Variants in LMBRD1 observed in about 807,000 individuals in gnomAD.
The protein encoded by LMBRD1 is lysosomal cobalamin transport escort protein LMBD1.
In LMBRD1, 64 loss-of-function variants were observed where a neutral mutation model predicts 74.8. The observed-to-expected ratio is 0.86, with a 90% CI of 0.70 to 1.05. The LOEUF is 1.05. LMBRD1 is among the 50% of genes least tolerant of loss of function. The pLI, the probability that LMBRD1 is intolerant of heterozygous loss-of-function variation, is 0.00. For missense variants in LMBRD1, 652 were observed against 645.9 expected (o/e 1.01, Z -0.10); for synonymous variants, 204 against 216.3 (o/e 0.94, Z 0.50).
In LMBRD1 at chr6:69,749,336, C is replaced by T; in HGVS notation, c.473+5G>A. On this transcript the variant is annotated splice_donor_5th_base_variant and intron_variant, in intron 5 of 15. Transcript: ENST00000649934. ...ATGGTTTAAAAAAAAAAAATCAAGA[C>T]TTACCCAACTAAAAGAAGCAGTGCA... The T allele has an allele frequency of 1.3e-6, 2 of 1,590,532 alleles. No homozygotes were observed. Among genetic ancestry groups the T allele is most frequent in the Non-Finnish European group, 1.7e-6 (2 of 1,166,610 alleles).
At chr6:69,695,414 C>T (rs1765974032) in intron 14 of LMBRD1, among the ~76,000 whole-genome samples, 3 of 152,056 alleles carry the variant, frequency 2.0e-5, no homozygotes, top group Admixed American at 2.0e-4. Context: ...TCTCTTCTCA[C>T]TCTCTACCCT....
intron 1 of LMBRD1, among the ~76,000 whole-genome samples, chr6:69,791,706 G>A (rs1029503376): frequency 3.9e-5 from 6 of 152,126 alleles, no homozygotes; most frequent in Non-Finnish European, 7.4e-5. Flanking sequence ...TCCTTCTACC[G>A]CAAGCAAGAT....
intron 14 of LMBRD1, among the ~76,000 whole-genome samples, chr6:69,678,990 C>T (rs1765604619): frequency 6.6e-6 from 1 of 151,372 alleles, no homozygotes; most frequent in African/African-American, 2.4e-5. Context: ...TCAACATTTA[C>T]TTCTGAATTG....
At chr6:69,698,545 G>A (rs913677260) in intron 13 of LMBRD1, among the ~76,000 whole-genome samples, 1 of 151,900 alleles carries the variant, frequency 6.6e-6, no homozygotes, top group Non-Finnish European at 1.5e-5. Flanking sequence ...AAAACTAAAA[G>A]CCACAGTTCG....
At chr6:69,732,975 C>G (rs1766893590) in intron 7 of LMBRD1, among the ~76,000 whole-genome samples, 1 of 152,128 alleles carries the variant, frequency 6.6e-6, no homozygotes, top group South Asian at 2.1e-4. Context: ...GTTTGACCTC[C>G]TTCTCCTAAA....
chr6:69,699,692 T>C (rs1372224929), intron 12 of LMBRD1, among the ~76,000 whole-genome samples: 1 of 151,840 alleles, frequency 6.6e-6, no homozygotes, highest in African/African-American at 2.4e-5. Flanking sequence ...TGAAAACACA[T>C]GGTAACTGAA....
At chr6:69,733,029 T>C (rs550877952) in intron 7 of LMBRD1, among the ~76,000 whole-genome samples, 4 of 152,280 alleles carry the variant, frequency 2.6e-5, no homozygotes, top group South Asian at 4.1e-4. Flanking sequence ...CAGGGTACAG[T>C]AGTCAGAATC....
intron 4 of LMBRD1, among the ~76,000 whole-genome samples, chr6:69,749,932 ACTC>A (rs1348695821): frequency 1.2e-5 from 1 of 80,626 alleles, no homozygotes; most frequent in Non-Finnish European, 2.0e-5. Flanking sequence ...ACATATACAT[ACTC>A]ATATATACAT....
chr6:69,796,900 C>A lies in LMBRD1; in HGVS notation c.-19G>T, dbSNP rs755960124. 1 of 1,613,156 alleles carries A rather than the reference C, an allele frequency of 6.2e-7. No individual in the cohort carries two copies. On this transcript the variant is annotated 5_prime_UTR_variant, in exon 1 of 16. Coordinates refer to ENST00000649934, the MANE Select transcript of LMBRD1 (RefSeq NM_018368.4). ...TCGCCATCTTCGCTTCCGGTCCAGA[C>A]CAACCTGAGCGCCCGGGGTGGGGAA...
At position 69,699,083 on chromosome 6, in the gene LMBRD1, G is replaced by C. The variant is rs1766070141; in HGVS notation, c.1298C>G (p.Pro433Arg). The C allele has an allele frequency of 6.2e-7, 1 of 1,607,318 alleles. No individual in the cohort carries two copies. Among genetic ancestry groups the C allele is most frequent in the Admixed American group, 1.7e-5 (1 of 59,850 alleles). Residue 433 changes from proline (P) to arginine (R), a missense_variant, in exon 13 of 16, where the codon CCC becomes CGC. Coordinates refer to ENST00000649934, the MANE Select transcript of LMBRD1 (RefSeq NM_018368.4). ...TTGGCTTCCATACATAACATATTGGGGAGCAAGACTATAAATCATGTAGCT... is the reference window on the plus strand; with the variant it reads ...TTGGCTTCCATACATAACATATTGGCGAGCAAGACTATAAATCATGTAGCT... The part of the protein sequence containing the change: ...HTSYMIYSLA[P>R]QYVMYGSQNY...
At chr6:69,728,620 A>G (rs1240274357) in intron 7 of LMBRD1, among the ~76,000 whole-genome samples, 1 of 152,206 alleles carries the variant, frequency 6.6e-6, no homozygotes, top group Non-Finnish European at 1.5e-5. Flanking sequence ...TATTAACAAC[A>G]TGGCCCTTAT....
intron 1 of LMBRD1, among the ~76,000 whole-genome samples, chr6:69,792,510 A>G (rs1468348634): frequency 6.6e-6 from 1 of 152,220 alleles, no homozygotes; most frequent in East Asian, 1.9e-4. Context: ...TGGCCTTTCA[A>G]CTGGTGACAG....
intron 3 of LMBRD1, among the ~76,000 whole-genome samples, chr6:69,753,617 G>A (rs9354887): frequency 0.34 from 52,410 of 152,020 alleles, 9,968 homozygotes; most frequent in East Asian, 0.54. Context: ...ACAGACTCTC[G>A]AAGAGTTATT....
chr6:69,709,612 G>T (rs1166580001), intron 9 of LMBRD1, among the ~76,000 whole-genome samples: 1 of 152,134 alleles, frequency 6.6e-6, no homozygotes, highest in African/African-American at 2.4e-5. Flanking sequence ...TTATAAGGAA[G>T]AAGTAAAACT....
At chr6:69,698,506 G>A (rs1317998062) in intron 13 of LMBRD1, among the ~76,000 whole-genome samples, 1 of 151,840 alleles carries the variant, frequency 6.6e-6, no homozygotes, top group Non-Finnish European at 1.5e-5. Context: ...ATTTTGAATC[G>A]TCAGAAAATC....
intron 8 of LMBRD1, 100 bp downstream of exon 8, chr6:69,718,856 G>C: frequency 7.7e-7 from 1 of 1,306,228 alleles, no homozygotes. Flanking sequence ...TTCAAACAAT[G>C]TAAAAAGTTA....
chr6:69,786,748 G>A (rs1765958480), intron 2 of LMBRD1, among the ~76,000 whole-genome samples: 1 of 152,182 alleles, frequency 6.6e-6, no homozygotes, highest in African/African-American at 2.4e-5. Context: ...AGAAGGCAGA[G>A]AAAGCTAGAA....
chr6:69,785,143 A>C (rs1169489866), intron 2 of LMBRD1, among the ~76,000 whole-genome samples: 2 of 152,120 alleles, frequency 1.3e-5, no homozygotes, highest in African/African-American at 4.8e-5. Flanking sequence ...ACCACTGAAA[A>C]AAGCTATCAT....
At chr6:69,767,967 A>C (rs80082775) in intron 3 of LMBRD1, among the ~76,000 whole-genome samples, 3,000 of 152,020 alleles carry the variant, frequency 0.02, 87 homozygotes, top group African/African-American at 0.068. Context: ...CGTTGTCTTA[A>C]AGTCTATTTT....
Sources: allele counts gnomAD v4.1 joint callset (sites outside exome capture counted in the v4.1 genomes callset), GRCh38; gene constraint gnomAD v4.1.1; transcripts MANE v1.5; gene names NCBI Gene and HGNC (gene_info 2026-07-23, HGNC 2026-07-21).